ITGA4: variants seen among roughly 807,000 people sequenced by gnomAD.
ITGA4 encodes the protein integrin subunit alpha 4.
A neutral mutation model predicts 133.6 loss-of-function variants in ITGA4; 63 were observed. The observed-to-expected ratio is 0.47, with a 90% CI of 0.38 to 0.58. The LOEUF (loss-of-function observed/expected upper bound fraction) is 0.58, where lower values mean the gene tolerates loss of function less well. ITGA4 is among the 20% of genes least tolerant of loss of function. The pLI is 0.00. For missense variants in ITGA4, 1,076 were observed against 1,252.7 expected (o/e 0.86, Z 2.13); for synonymous variants, 483 against 438.0 (o/e 1.10, Z -1.28).
At chr2:181,533,009 G>C (rs1686975894) in intron 25 of ITGA4, among the ~76,000 whole-genome samples, 1 of 151,924 alleles carries the variant, frequency 6.6e-6, no homozygotes, top group East Asian at 1.9e-4. Context: ...AAAAACTAAG[G>C]CTTTCATAAA....
intron 10 of ITGA4, among the ~76,000 whole-genome samples, chr2:181,487,783 T>A (rs1208165937): frequency 6.6e-6 from 1 of 152,206 alleles, no homozygotes; most frequent in Non-Finnish European, 1.5e-5. Flanking sequence ...CCCTTTTTTA[T>A]AGCTCTACCA....
intron 2 of ITGA4, among the ~76,000 whole-genome samples, chr2:181,461,621 A>G (rs1372079499): frequency 1.3e-5 from 2 of 152,206 alleles, no homozygotes; most frequent in African/African-American, 4.8e-5. Flanking sequence ...TGGACTATCA[A>G]TATTCAAATA....
chr2:181,478,444 C>T (rs771982581), intron 4 of ITGA4, among the ~76,000 whole-genome samples: 1 of 152,010 alleles, frequency 6.6e-6, no homozygotes, highest in African/African-American at 2.4e-5. Context: ...CTTAGATATA[C>T]ACAGTAAAAA....
intron 6 of ITGA4, among the ~76,000 whole-genome samples, chr2:181,480,687 A>T (rs1685781627): frequency 6.6e-6 from 1 of 152,160 alleles, no homozygotes; most frequent in South Asian, 2.1e-4. Context: ...TTCCTTAAGC[A>T]CCAACTGAAA....
intron 2 of ITGA4, among the ~76,000 whole-genome samples, chr2:181,470,158 A>G (rs1332373970): frequency 1.3e-5 from 2 of 152,196 alleles, no homozygotes; most frequent in Non-Finnish European, 2.9e-5. Context: ...ACTATAATGG[A>G]AAATAGTATG....
At chr2:181,458,545 A>G in intron 2 of ITGA4, 2 of 550,074 alleles carry the variant, frequency 3.6e-6, no homozygotes, top group Non-Finnish European at 6.5e-6. Flanking sequence ...GTACTCTGAC[A>G]ACTATGCTAG....
chr2:181,482,616 G>A lies in ITGA4; in HGVS notation c.1006G>A (p.Glu336Lys). 6.2e-7 allele frequency: 1 copy of A among 1,613,734 alleles called. No homozygotes were observed. Among genetic ancestry groups the A allele is most frequent in the Non-Finnish European group, 8.5e-7 (1 of 1,179,714 alleles). The change falls in exon 9 of 28, where the codon GAA becomes AAA. Residue 336 changes from glutamate (E) to lysine (K), a missense_variant. Physicochemically the swap from Glu to Lys is moderately conservative, Grantham distance 56 (BLOSUM62 1). Coordinates refer to ENST00000397033, the MANE Select transcript of ITGA4 (RefSeq NM_000885.6). Reference protein sequence around the residue: ...GAPMQSTIREEGRVFVYINSG... With the variant: ...GAPMQSTIREKGRVFVYINSG... Reference sequence around the variant, plus strand: ...ACCCATGCAGAGCACCATCAGAGAGGAAGGAAGAGTGTTTGTGTACATCAA... The same window carrying A: ...ACCCATGCAGAGCACCATCAGAGAGAAAGGAAGAGTGTTTGTGTACATCAA...
chr2:181,477,561 G>A (rs1004633736), intron 4 of ITGA4, among the ~76,000 whole-genome samples: 2 of 152,064 alleles, frequency 1.3e-5, no homozygotes. Flanking sequence ...TTCCAAAGAA[G>A]GCATCAAAAT....
intron 2 of ITGA4, among the ~76,000 whole-genome samples, chr2:181,466,386 G>T (rs1685416243): frequency 1.3e-5 from 2 of 152,040 alleles, no homozygotes; most frequent in South Asian, 4.1e-4. Context: ...ATTGGCCATT[G>T]TGAGATTTTA....
intron 15 of ITGA4, among the ~76,000 whole-genome samples, chr2:181,509,035 T>A (rs1289481549): frequency 2.0e-5 from 3 of 150,532 alleles, no homozygotes; most frequent in Admixed American, 2.0e-4. Flanking sequence ...CTAGCTACTC[T>A]GAAGGCTGAA....
Position 181,521,428 on chromosome 2 carries a change from A to T in ITGA4, c.1923-763A>T, listed in dbSNP as rs1431806294. Among the ~76,000 whole-genome samples the T allele has an allele frequency of 2.0e-5, 3 of 152,172 alleles. No individual in the cohort carries two copies. In the East Asian group the frequency reaches 5.8e-4, roughly 29 times the overall value. ...ACTTTATACAGTATACATAACCCAG[A>T]TCTTCAGTGAATGGTAGGTAGTATG... On this transcript the variant is annotated intron_variant, in intron 17 of 27. Transcript: ENST00000397033.
chr2:181,473,060 A>G (rs977234273), intron 2 of ITGA4, among the ~76,000 whole-genome samples: 9 of 152,148 alleles, frequency 5.9e-5, no homozygotes, highest in Admixed American at 5.2e-4. Context: ...CATTTATTCT[A>G]TGTGTATGCT....
chr2:181,529,316 A>G (rs1686894672), intron 22 of ITGA4, among the ~76,000 whole-genome samples: 1 of 152,208 alleles, frequency 6.6e-6, no homozygotes, highest in South Asian at 2.1e-4. Context: ...CAACAATACC[A>G]AAACTAGAAG....
chr2:181,529,416 A>T (rs1400451056), intron 22 of ITGA4, 125 bp from the exon 23 acceptor site: 3 of 454,776 alleles, frequency 6.6e-6, no homozygotes, highest in Non-Finnish European at 1.2e-5. Flanking sequence ...GCAGCTGCCA[A>T]CCATAAACCT....
intron 18 of ITGA4, among the ~76,000 whole-genome samples, chr2:181,522,713 C>T (rs992865702): frequency 1.3e-5 from 2 of 152,172 alleles, no homozygotes; most frequent in African/African-American, 4.8e-5. Context: ...TAAGGTGACA[C>T]TCAGACAATT....
In ITGA4 at chr2:181,534,139, C is replaced by A. The variant is rs988597091; in HGVS notation, c.2785-133C>A. On this transcript the variant is annotated intron_variant, in intron 25 of 27. Transcript: ENST00000397033. ...ACTTTGGGAACCAAAGGAGGCACTGCAGTTAATTTTAAGTGGTGAAATAAA... is the reference window on the plus strand; with the variant it reads ...ACTTTGGGAACCAAAGGAGGCACTGAAGTTAATTTTAAGTGGTGAAATAAA... 1.0e-5 allele frequency: 6 copies of A among 592,990 alleles called. No homozygotes were observed. The African/African-American group carries it at 1.1e-4, about 11-fold the overall frequency. The allele number at this position is 592,990 out of a possible 1,614,324, so 36.7% of individuals were successfully genotyped here.
At position 181,516,042 on chromosome 2, in the gene ITGA4, A is replaced by T; in HGVS notation, c.1922+4267A>T. On this transcript the variant is annotated intron_variant, in intron 17 of 27. Transcript: ENST00000397033. The surrounding 1 kb of genome is among the most constrained non-coding windows in gnomAD (Gnocchi z 4.0). ...TTGAGGCTTCCTCCTGTATGTCTAA[A>T]TGCTTAGGACAATAAACTGCATTTA... 6.6e-6 allele frequency among the ~76,000 whole-genome samples: 1 copy of T among 152,028 alleles called. No individual in the cohort carries two copies. Among genetic ancestry groups the T allele is most frequent in the South Asian group, 2.1e-4 (1 of 4,822 alleles).
rs200867785 is a variant in ITGA4 at position 181,537,179 on chromosome 2, G to A, written c.*1652G>A. 4.4e-6 allele frequency: 2 copies of A among 453,810 alleles called. No homozygotes were observed. Among genetic ancestry groups the A allele is most frequent in the Non-Finnish European group, 8.8e-6 (2 of 226,596 alleles). The allele number at this position is 453,810 out of a possible 1,614,324, so 28.1% of individuals were successfully genotyped here. A position where few individuals can be genotyped will look rare whatever the true frequency, so the allele number is the denominator to read the frequency against. On this transcript the variant is annotated 3_prime_UTR_variant, in exon 28 of 28. Coordinates refer to ENST00000397033, the MANE Select transcript of ITGA4 (RefSeq NM_000885.6). Reference sequence around the variant, plus strand: ...AGTCATTCTTTCAGGAGAACATCTAGGATCATAGATGAAAAATCAAGCCCC... The same window carrying A: ...AGTCATTCTTTCAGGAGAACATCTAAGATCATAGATGAAAAATCAAGCCCC...
At chr2:181,466,446 A>G (rs1048208697) in intron 2 of ITGA4, among the ~76,000 whole-genome samples, 4 of 152,096 alleles carry the variant, frequency 2.6e-5, no homozygotes, top group Non-Finnish European at 5.9e-5. Context: ...TTAAAAAAAC[A>G]TACTTTGAGA....
Sources: gnomAD v4.1 joint callset for allele counts (sites outside exome capture counted in the v4.1 genomes callset) on GRCh38, gnomAD v4.1.1 for gene constraint, Gnocchi (gnomAD v3.1) non-coding constraint, MANE v1.5 for transcripts, NCBI Gene and HGNC (gene_info 2026-07-23, HGNC 2026-07-21) for gene names.